RSRC1: variants seen among roughly 807,000 people sequenced by gnomAD.
The protein encoded by RSRC1 is arginine and serine rich coiled-coil 1.
In RSRC1, 39 loss-of-function variants were observed where a neutral mutation model predicts 49.1. The observed-to-expected ratio is 0.79, with a 90% confidence interval of 0.61 to 1.04. The LOEUF is 1.04. Among genes scored for constraint, RSRC1 ranks in the 50% least tolerant of loss-of-function variants. The pLI, the probability that RSRC1 is intolerant of heterozygous loss-of-function variation, is 0.00. For missense variants in RSRC1, 388 were observed against 402.4 expected (o/e 0.96, Z 0.31); for synonymous variants, 143 against 130.8 (o/e 1.09, Z -0.63).
chr3:158,260,035 A>G (rs764465878), intron 4 of RSRC1, among the ~76,000 whole-genome samples: 1 of 152,106 alleles, frequency 6.6e-6, no homozygotes, highest in Non-Finnish European at 1.5e-5. Context: ...AAGGCCTGGA[A>G]TTGAGGACCC....
At chr3:158,541,110 C>A (rs926942291) in intron 8 of RSRC1, among the ~76,000 whole-genome samples, 5 of 152,248 alleles carry the variant, frequency 3.3e-5, no homozygotes, top group South Asian at 2.1e-4. Context: ...CACTATACAC[C>A]AGCCCCTCTG....
At chr3:158,465,936 A>G (rs550312764) in intron 7 of RSRC1, among the ~76,000 whole-genome samples, 28 of 152,314 alleles carry the variant, frequency 1.8e-4, no homozygotes, top group Admixed American at 7.2e-4. Flanking sequence ...TTAGTAAAGA[A>G]AAAAGAAAAT....
At chr3:158,279,186 T>G (rs1040214769) in intron 4 of RSRC1, among the ~76,000 whole-genome samples, 1 of 152,234 alleles carries the variant, frequency 6.6e-6, no homozygotes, top group African/African-American at 2.4e-5. Context: ...GCTATGTTAC[T>G]GTGATTTTTT....
chr3:158,541,906 A>G (rs1420574413), intron 8 of RSRC1, among the ~76,000 whole-genome samples: 1 of 152,180 alleles, frequency 6.6e-6, no homozygotes, highest in African/African-American at 2.4e-5. Flanking sequence ...CCTTCAAGGC[A>G]GAAACAATGA....
At chr3:158,223,736 C>T (rs1722355126) in intron 4 of RSRC1, among the ~76,000 whole-genome samples, 1 of 151,586 alleles carries the variant, frequency 6.6e-6, no homozygotes, top group South Asian at 2.1e-4. Context: ...TTATTTTGGA[C>T]ATTAAAGTAC....
chr3:158,170,072 T>C (rs1039694298), intron 3 of RSRC1, among the ~76,000 whole-genome samples: 2 of 152,108 alleles, frequency 1.3e-5, no homozygotes, highest in African/African-American at 4.8e-5. Context: ...TTTAGGGAAA[T>C]TATTGGAAAT....
At chr3:158,328,349 A>T (rs1419422461) in intron 5 of RSRC1, among the ~76,000 whole-genome samples, 1 of 152,136 alleles carries the variant, frequency 6.6e-6, no homozygotes, top group African/African-American at 2.4e-5. Context: ...ACAATTTGGC[A>T]TGTTTTTGCA....
intron 4 of RSRC1, among the ~76,000 whole-genome samples, chr3:158,211,043 G>A (rs1451279641): frequency 6.6e-6 from 1 of 152,058 alleles, no homozygotes; most frequent in African/African-American, 2.4e-5. Context: ...TTAGGGATAT[G>A]TGAAGAAGTT....
intron 5 of RSRC1, 146 bp downstream of exon 5, chr3:158,298,221 C>T (rs964592925): frequency 7.1e-6 from 4 of 564,346 alleles, no homozygotes; most frequent in Non-Finnish European, 9.2e-6. Context: ...TGTGAAGGCA[C>T]TTACATTTTC....
chr3:158,273,336 T>C (rs1725625939), intron 4 of RSRC1, among the ~76,000 whole-genome samples: 1 of 152,064 alleles, frequency 6.6e-6, no homozygotes, highest in Admixed American at 6.5e-5. Context: ...TTCATAAAGG[T>C]CTTTACACAT....
intron 7 of RSRC1, among the ~76,000 whole-genome samples, chr3:158,493,913 C>A (rs1226025467): frequency 6.6e-6 from 1 of 151,892 alleles, no homozygotes; most frequent in Non-Finnish European, 1.5e-5. Flanking sequence ...ATCCTTTAGG[C>A]CAAATTTAGT....
rs1491469875 is a variant in RSRC1 at position 158,118,462 on chromosome 3, T to TGTGTGTGTGTGCGCGCGC, written c.-2-3640_-2-3639insTGTGTGTGTGCGCGCGCG. Among the ~76,000 whole-genome samples the TGTGTGTGTGTGCGCGCGC allele has an allele frequency of 1.8e-3, 220 of 124,702 alleles. 2 individuals carry two copies. Among genetic ancestry groups the TGTGTGTGTGTGCGCGCGC allele is most frequent in the African/African-American group, 2.2e-3 (68 of 30,252 alleles). The allele number at this position is 124,702 out of a possible 152,430, so 81.8% of individuals were successfully genotyped here. ...GTGTGTGTGTGTGTGTGTGTGTGTG[T>TGTGTGTGTGTGCGCGCGC]GCGCGTGCGCGTGGTTTTTTTAAAT... On this transcript the variant is annotated intron_variant, in intron 1 of 9. Coordinates refer to ENST00000611884, the MANE Select transcript of RSRC1 (RefSeq NM_001271838.2).
At chr3:158,305,710 C>T (rs902619450) in intron 5 of RSRC1, among the ~76,000 whole-genome samples, 18 of 152,038 alleles carry the variant, frequency 1.2e-4, no homozygotes, top group African/African-American at 3.6e-4. Context: ...TCTTTAATCA[C>T]GCTTATTACC....
At chr3:158,404,111 C>A (rs939031657) in intron 6 of RSRC1, among the ~76,000 whole-genome samples, 1 of 151,760 alleles carries the variant, frequency 6.6e-6, no homozygotes, top group African/African-American at 2.4e-5. Flanking sequence ...CTTTCAAGGC[C>A]ATGAATTTTT....
intron 7 of RSRC1, among the ~76,000 whole-genome samples, chr3:158,534,649 C>A (rs1333148357): frequency 6.6e-6 from 1 of 151,526 alleles, no homozygotes; most frequent in Non-Finnish European, 1.5e-5. Context: ...ATTACACATG[C>A]ACGTGGCTAT....
intron 6 of RSRC1, among the ~76,000 whole-genome samples, chr3:158,449,588 G>T (rs1239402957): frequency 6.6e-6 from 1 of 151,728 alleles, no homozygotes; most frequent in Non-Finnish European, 1.5e-5. Flanking sequence ...TGTGCAATAT[G>T]CTGTGAGTAA....
At chr3:158,354,214 C>G (rs1298417590) in intron 5 of RSRC1, among the ~76,000 whole-genome samples, 1 of 152,046 alleles carries the variant, frequency 6.6e-6, no homozygotes, top group East Asian at 1.9e-4. Flanking sequence ...TGGTCTCGAT[C>G]TCTTGACCTT....
At position 158,261,596 on chromosome 3, in the gene RSRC1, C is replaced by T. The variant is rs1048028198; in HGVS notation, c.495-36443C>T. On this transcript the variant is annotated intron_variant, in intron 4 of 9. Coordinates refer to ENST00000611884, the MANE Select transcript of RSRC1 (RefSeq NM_001271838.2). Reference sequence around the variant, plus strand: ...AGGAGGTGAGTTGTGGAGTAGCAAGCGAAGCTTCATCTGTATTTACAGCCA... The same window carrying T: ...AGGAGGTGAGTTGTGGAGTAGCAAGTGAAGCTTCATCTGTATTTACAGCCA... 5.9e-5 allele frequency among the ~76,000 whole-genome samples: 9 copies of T among 152,174 alleles called. No individual in the cohort carries two copies. In the South Asian group the frequency reaches 6.2e-4, roughly 10 times the overall value.
intron 6 of RSRC1, among the ~76,000 whole-genome samples, chr3:158,443,796 G>A (rs1323698118): frequency 6.6e-6 from 1 of 152,048 alleles, no homozygotes; most frequent in African/African-American, 2.4e-5. Flanking sequence ...GTCATTTCTG[G>A]CTTTTCATAT....
Sources: allele counts gnomAD v4.1 joint callset (sites outside exome capture counted in the v4.1 genomes callset), GRCh38; gene constraint gnomAD v4.1.1; transcripts MANE v1.5; gene names NCBI Gene and HGNC (gene_info 2026-07-23, HGNC 2026-07-21).